The following FBXL7 variants were observed in gnomAD, a reference collection of about 807,000 sequenced individuals.
FBXL7 encodes the protein F-box and leucine rich repeat protein 7, also known as F-box/LRR-repeat protein 7.
In FBXL7, 12 loss-of-function variants were observed where a neutral mutation model predicts 38.3. That is an observed-to-expected ratio of 0.31 (90% confidence interval 0.20 to 0.51). The LOEUF is 0.51. FBXL7 is among the 20% of genes least tolerant of loss of function. FBXL7 has a pLI of 0.98. For missense variants in FBXL7, 567 were observed against 676.4 expected (o/e 0.84, Z 1.79); for synonymous variants, 297 against 300.9 (o/e 0.99, Z 0.13).
chr5:15,730,135 A>G (rs921896034), intron 2 of FBXL7, among the ~76,000 whole-genome samples: 2 of 152,178 alleles, frequency 1.3e-5, no homozygotes, highest in Non-Finnish European at 2.9e-5. Context: ...CTCTTGAACC[A>G]CAAAATGTAG....
chr5:15,564,774 G>T (rs1224637827), intron 1 of FBXL7, among the ~76,000 whole-genome samples: 1 of 151,998 alleles, frequency 6.6e-6, no homozygotes, highest in African/African-American at 2.4e-5. Flanking sequence ...AGAGTTGTGT[G>T]TATGGATATA....
intron 2 of FBXL7, among the ~76,000 whole-genome samples, chr5:15,763,343 C>T (rs116773390): frequency 1.4e-4 from 22 of 152,168 alleles, no homozygotes; most frequent in East Asian, 3.9e-4. Context: ...ATATGGTAGA[C>T]GTGATAAAGT....
chr5:15,874,356 C>T (rs1215058383), intron 2 of FBXL7, among the ~76,000 whole-genome samples: 2 of 152,162 alleles, frequency 1.3e-5, no homozygotes, highest in South Asian at 2.1e-4. Context: ...AAAACCAGCA[C>T]AGGACAAGGA....
At chr5:15,697,863 A>T (rs988558627) in intron 2 of FBXL7, among the ~76,000 whole-genome samples, 1 of 152,236 alleles carries the variant, frequency 6.6e-6, no homozygotes, top group African/African-American at 2.4e-5. Flanking sequence ...ACCAACCAGT[A>T]TCCTAGAGCT....
chr5:15,592,748 G>T (rs1037472682), intron 1 of FBXL7, among the ~76,000 whole-genome samples: 3 of 152,104 alleles, frequency 2.0e-5, no homozygotes, highest in Admixed American at 2.0e-4. Flanking sequence ...ATTTAAAATG[G>T]AAAATTATGC....
chr5:15,585,709 G>C (rs976770346), intron 1 of FBXL7, among the ~76,000 whole-genome samples: 1 of 152,202 alleles, frequency 6.6e-6, no homozygotes, highest in Admixed American at 6.5e-5. Flanking sequence ...GTTGCTAGCT[G>C]TGCCTAATGA....
At chr5:15,927,787 A>T in intron 2 of FBXL7, 103 bp from the exon 3 acceptor site, 32 of 751,852 alleles carry the variant, frequency 4.3e-5, no homozygotes, top group Non-Finnish European at 5.6e-5. Context: ...AAAAAAAAAA[A>T]GAAGAAGAAA....
At chr5:15,613,437 G>C (rs1740323542) in intron 1 of FBXL7, among the ~76,000 whole-genome samples, 1 of 152,202 alleles carries the variant, frequency 6.6e-6, no homozygotes, top group Non-Finnish European at 1.5e-5. Flanking sequence ...AGGCTGGTTA[G>C]GCAAAAACAA....
intron 1 of FBXL7, among the ~76,000 whole-genome samples, chr5:15,599,072 T>C (rs1739711437): frequency 6.6e-6 from 1 of 152,202 alleles, no homozygotes; most frequent in African/African-American, 2.4e-5. Context: ...AGATGCCTAC[T>C]GGTGGACGTG....
chr5:15,570,165 G>A (rs988125524), intron 1 of FBXL7, among the ~76,000 whole-genome samples: 1 of 152,182 alleles, frequency 6.6e-6, no homozygotes, highest in Non-Finnish European at 1.5e-5. Flanking sequence ...AGAAGGAATG[G>A]TACCAGCTCC....
chr5:15,535,373 G>A (rs1737556493), intron 1 of FBXL7, among the ~76,000 whole-genome samples: 1 of 152,226 alleles, frequency 6.6e-6, no homozygotes, highest in Non-Finnish European at 1.5e-5. Context: ...GTGTGGGAAA[G>A]TTTGGAATTT....
At chr5:15,870,816 G>T (rs1739923783) in intron 2 of FBXL7, among the ~76,000 whole-genome samples, 2 of 152,154 alleles carry the variant, frequency 1.3e-5, no homozygotes, top group Admixed American at 6.5e-5. Context: ...CCCACTCAGG[G>T]GCTTATAGAT....
At chr5:15,665,393 G>A (rs62347936) in intron 2 of FBXL7, among the ~76,000 whole-genome samples, 15,247 of 152,106 alleles carry the variant, frequency 0.1, 834 homozygotes, top group Middle Eastern at 0.16. Context: ...TATCTATACG[G>A]TGGCCACTTC....
At chr5:15,713,541 T>G (rs1044135246) in intron 2 of FBXL7, among the ~76,000 whole-genome samples, 1 of 152,172 alleles carries the variant, frequency 6.6e-6, no homozygotes, top group Non-Finnish European at 1.5e-5. Context: ...CCCTTACCTT[T>G]TTGTTGGCAT....
At chr5:15,520,198 C>T (rs187315347) in intron 1 of FBXL7, among the ~76,000 whole-genome samples, 52 of 152,206 alleles carry the variant, frequency 3.4e-4, no homozygotes, top group East Asian at 3.1e-3. Flanking sequence ...TTACTGCAAC[C>T]TATTTTATCA....
intron 2 of FBXL7, among the ~76,000 whole-genome samples, chr5:15,640,468 A>T (rs982252891): frequency 6.6e-6 from 1 of 151,988 alleles, no homozygotes; most frequent in Non-Finnish European, 1.5e-5. Context: ...GACATCTGCA[A>T]TGACCCTGTC....
chr5:15,662,211 C>T lies in FBXL7; in HGVS notation c.127+46139C>T, dbSNP rs115258375. ...TGTTAATTGGTGTGAGATGGTATCT[C>T]ATTTTGGTTTTTGATTTGCATTTCT... On this transcript the variant is annotated intron_variant, in intron 2 of 3. Transcript: ENST00000504595. 8.5e-3 allele frequency among the ~76,000 whole-genome samples: 1,300 copies of T among 152,220 alleles called. 13 individuals are homozygous for T. The highest frequency in any genetic ancestry group is 0.03 in the African/African-American group (1,233 of 41,522).
intron 2 of FBXL7, among the ~76,000 whole-genome samples, chr5:15,658,939 T>C (rs1480304762): frequency 6.6e-6 from 1 of 152,042 alleles, no homozygotes; most frequent in Non-Finnish European, 1.5e-5. Context: ...CATAAGACAA[T>C]ATGAGGGGTG....
chr5:15,887,194 T>A (rs544680373), intron 2 of FBXL7, among the ~76,000 whole-genome samples: 1 of 152,302 alleles, frequency 6.6e-6, no homozygotes, highest in Admixed American at 6.5e-5. Flanking sequence ...AGACCACCAA[T>A]TGTTCTGTTG....
Sources: gnomAD v4.1 joint callset for allele counts (sites outside exome capture counted in the v4.1 genomes callset) on GRCh38, gnomAD v4.1.1 for gene constraint, MANE v1.5 for transcripts, NCBI Gene and HGNC (gene_info 2026-07-23, HGNC 2026-07-21) for gene names.